PDE4D: variants seen among roughly 807,000 people sequenced by gnomAD.
PDE4D encodes 3',5'-cyclic-AMP phosphodiesterase 4D.
In PDE4D, 24 loss-of-function variants were observed where a neutral mutation model predicts 87.4. The observed-to-expected ratio is 0.27, with a 90% CI of 0.20 to 0.39. PDE4D has a LOEUF of 0.39. PDE4D is among the 10% of genes least tolerant of loss of function. The pLI is 1.00. For missense variants in PDE4D, 714 were observed against 1,041.0 expected, an observed-to-expected ratio of 0.69 and a Z score of 4.32; for synonymous variants, 384 against 383.2, an observed-to-expected ratio of 1.00 and a Z score of -0.02.
chr5:59,539,233 T>G (rs1815840989), intron 1 of PDE4D, among the ~76,000 whole-genome samples: 1 of 152,182 alleles, frequency 6.6e-6, no homozygotes, highest in Non-Finnish European at 1.5e-5. Flanking sequence ...TTAAGTGAAT[T>G]AATCTGAATG....
intron 1 of PDE4D, among the ~76,000 whole-genome samples, chr5:60,409,279 G>C (rs1270056470): frequency 6.6e-6 from 1 of 152,094 alleles, no homozygotes; most frequent in Non-Finnish European, 1.5e-5. Flanking sequence ...CAGGGCTTCA[G>C]GTGACAGAGT....
rs59719645 is a variant in PDE4D at position 59,815,562 on chromosome 5, T to C, written c.455+77606A>G. Among the ~76,000 whole-genome samples, 538 of 152,322 alleles carry C rather than the reference T, an allele frequency of 3.5e-3. 5 individuals are homozygous for C. Among genetic ancestry groups the C allele is most frequent in the African/African-American group, 0.012 (516 of 41,572 alleles). On this transcript the variant is annotated intron_variant, in intron 1 of 14. Transcript: ENST00000340635. ...GCATAGTAATGAAATGGGGTGGTTG[T>C]AGGGATTGAGTTAATACATATAAAA...
intron 3 of PDE4D, among the ~76,000 whole-genome samples, chr5:59,901,923 A>AACACACACACACAC (rs59453461): frequency 4.5e-5 from 6 of 134,262 alleles, no homozygotes; most frequent in Non-Finnish European, 9.6e-5. Context: ...CTTACATGCA[A>AACACACACACACAC]ACACACACAC....
chr5:59,787,200 C>T lies in PDE4D; in HGVS notation c.455+105968G>A, dbSNP rs566938268. Among the ~76,000 whole-genome samples the T allele has an allele frequency of 5.9e-5, 9 of 152,284 alleles. No homozygotes were observed. The South Asian group carries it at 1.9e-3, about 32-fold the overall frequency. ...TCTATTTCATGGTAGATAATCTGCACATTTCTTATGCGCCTTATACCAAGG... is the reference window on the plus strand; with the variant it reads ...TCTATTTCATGGTAGATAATCTGCATATTTCTTATGCGCCTTATACCAAGG... On this transcript the variant is annotated intron_variant, in intron 1 of 14. Transcript: ENST00000340635.
intron 1 of PDE4D, among the ~76,000 whole-genome samples, chr5:59,833,148 A>G (rs1741500545): frequency 1.3e-5 from 2 of 152,104 alleles, no homozygotes; most frequent in South Asian, 4.1e-4. Context: ...CAAGGGCCAG[A>G]GTGTACTGGC....
intron 2 of PDE4D, among the ~76,000 whole-genome samples, chr5:59,213,102 CTCT>C (rs1354349361): frequency 6.6e-6 from 1 of 150,512 alleles, no homozygotes; most frequent in Non-Finnish European, 1.5e-5. Context: ...CCTTCTTTTA[CTCT>C]TCTTCTCCTT....
At chr5:59,879,836 G>A (rs995593396) in intron 1 of PDE4D, among the ~76,000 whole-genome samples, 2 of 152,276 alleles carry the variant, frequency 1.3e-5, no homozygotes, top group Non-Finnish European at 2.9e-5. Context: ...CGCTCCCCGG[G>A]TTTAAGCGAT....
At chr5:59,042,514 G>C (rs1009639219) in intron 5 of PDE4D, among the ~76,000 whole-genome samples, 1 of 152,146 alleles carries the variant, frequency 6.6e-6, no homozygotes, top group African/African-American at 2.4e-5. Flanking sequence ...CCCTGCCAGA[G>C]TAGTATACAC....
chr5:59,869,802 AAAAGTGAATT>A (rs1270758137), intron 1 of PDE4D, among the ~76,000 whole-genome samples: 2 of 152,168 alleles, frequency 1.3e-5, no homozygotes, highest in Non-Finnish European at 2.9e-5. Context: ...AAACTTCAGG[AAAAGTGAATT>A]TTCAGGATTA....
chr5:60,219,774 A>C (rs1199123597), intron 1 of PDE4D, among the ~76,000 whole-genome samples: 1 of 152,194 alleles, frequency 6.6e-6, no homozygotes, highest in African/African-American at 2.4e-5. Context: ...AAATGAGTTC[A>C]CTGCTGCAGA....
At chr5:60,308,726 A>T (rs1754727717) in intron 1 of PDE4D, among the ~76,000 whole-genome samples, 1 of 152,186 alleles carries the variant, frequency 6.6e-6, no homozygotes, top group Non-Finnish European at 1.5e-5. Context: ...AGAAAATTGC[A>T]TCTGTAGTTT....
intron 2 of PDE4D, among the ~76,000 whole-genome samples, chr5:59,999,540 AACAAAAC>A (rs1763832479): frequency 2.0e-5 from 2 of 98,450 alleles, no homozygotes; most frequent in African/African-American, 1.0e-4. Context: ...AAAAAAAAAA[AACAAAAC>A]AAAACTGGAG....
chr5:60,365,200 T>C (rs1485762565), intron 1 of PDE4D, among the ~76,000 whole-genome samples: 2 of 152,190 alleles, frequency 1.3e-5, no homozygotes, highest in African/African-American at 4.8e-5. Context: ...ATACCTAACG[T>C]GCCCAACATA....
chr5:60,170,414 C>G (rs995926635), intron 2 of PDE4D, among the ~76,000 whole-genome samples: 7 of 151,870 alleles, frequency 4.6e-5, no homozygotes, highest in African/African-American at 1.7e-4. Context: ...AAAGAGTGAA[C>G]AGATCTCAGG....
At chr5:59,839,464 C>A (rs760522398) in intron 1 of PDE4D, among the ~76,000 whole-genome samples, 6 of 151,412 alleles carry the variant, frequency 4.0e-5, no homozygotes, top group Non-Finnish European at 7.4e-5. Context: ...TTTTGTTGTA[C>A]TTCATTTTTT....
intron 1 of PDE4D, among the ~76,000 whole-genome samples, chr5:59,531,171 GA>G (rs754049619): frequency 2.0e-5 from 3 of 152,168 alleles, no homozygotes; most frequent in Non-Finnish European, 4.4e-5. Flanking sequence ...TTCTGAAGTA[GA>G]AACTGCTCTT....
rs559993202 is a variant in PDE4D at position 59,592,434 on chromosome 5, G to C, written c.455+300734C>G. Among the ~76,000 whole-genome samples, 54 of 151,870 alleles carry C rather than the reference G, an allele frequency of 3.6e-4. 1 individual carries two copies. The Middle Eastern group carries it at 0.037, about 105-fold the overall frequency. ...ATTTCTACATATTCTCATAACCCAG[G>C]GTACAATCACCAATTAGAAAAGAAA... On this transcript the variant is annotated intron_variant, in intron 1 of 14. Coordinates refer to ENST00000340635, the MANE Select transcript of PDE4D (RefSeq NM_001104631.2).
At chr5:60,375,730 T>C (rs1178849922) in intron 1 of PDE4D, among the ~76,000 whole-genome samples, 1 of 152,166 alleles carries the variant, frequency 6.6e-6, no homozygotes, top group Non-Finnish European at 1.5e-5. Context: ...ACAGTGTATC[T>C]AATATCATTT....
intron 1 of PDE4D, among the ~76,000 whole-genome samples, chr5:59,237,711 C>A (rs1464852680): frequency 1.3e-5 from 2 of 151,126 alleles, no homozygotes; most frequent in East Asian, 3.9e-4. Context: ...CAATGTCAGA[C>A]AATATATCTA....
Sources: gnomAD v4.1 joint callset for allele counts (sites outside exome capture counted in the v4.1 genomes callset) on GRCh38, gnomAD v4.1.1 for gene constraint, MANE v1.5 for transcripts, NCBI Gene and HGNC (gene_info 2026-07-23, HGNC 2026-07-21) for gene names.